Variants in FAT1 observed in about 807,000 individuals in gnomAD.
The protein encoded by FAT1 is protocadherin Fat 1.
In FAT1, 171 loss-of-function variants were observed where a neutral mutation model predicts 329.8. The ratio of observed to expected loss-of-function variants is 0.52; its 90% confidence interval spans 0.46 to 0.59. The LOEUF is 0.59. Ranked by LOEUF, FAT1 falls within the 20% of genes least tolerant of loss-of-function variation. The pLI is 0.00. For missense variants in FAT1, 5,672 were observed against 5,774.4 expected (o/e 0.98, Z 0.57); for synonymous variants, 2,233 against 2,228.6 (o/e 1.00, Z -0.06).
intron 2 of FAT1, among the ~76,000 whole-genome samples, chr4:186,665,477 G>A (rs1335976221): frequency 6.6e-6 from 1 of 152,136 alleles, no homozygotes. Flanking sequence ...GTGTCTGTTG[G>A]CTGCATAAAT....
intron 2 of FAT1, among the ~76,000 whole-genome samples, chr4:186,701,003 G>A (rs549255767): frequency 1.3e-5 from 2 of 152,300 alleles, no homozygotes; most frequent in Non-Finnish European, 2.9e-5. Context: ...CACGGTAAGC[G>A]TCACTGCGTG....
chr4:186,618,573 G>GA lies in FAT1; in HGVS notation c.8012dup (p.Phe2672LeufsTer3). 1 of 1,614,020 alleles carries GA rather than the reference G, an allele frequency of 6.2e-7. No homozygotes were observed. Among genetic ancestry groups the GA allele is most frequent in the Non-Finnish European group, 8.5e-7 (1 of 1,179,894 alleles). ...ACCCATTATCCACAGCTCTAACAAA[G>GA]AAAGTGAAGAATTCATTTTCCAAGC... On this transcript the variant is annotated frameshift_variant, in exon 10 of 27. Transcript: ENST00000441802. LOFTEE classifies it high-confidence loss of function.
At chr4:186,602,808 T>G (rs1444794421) in intron 20 of FAT1, 95 bp downstream of exon 20, 3 of 1,298,492 alleles carry the variant, frequency 2.3e-6, no homozygotes, top group Non-Finnish European at 2.1e-6. Flanking sequence ...AAACATACTT[T>G]GCAATATTTT....
Position 186,611,655 on chromosome 4 carries a change from T to A in FAT1, c.9584A>T (p.Tyr3195Phe), listed in dbSNP as rs1249525274. Reference sequence around the variant, plus strand: ...ATCCACAGCTTTCAAAGAGAGGGTGTATACTGCCTGGAGTTCTCTGTCCAA... The same window carrying A: ...ATCCACAGCTTTCAAAGAGAGGGTGAATACTGCCTGGAGTTCTCTGTCCAA... ...KPLDRELQAVYTLSLKAVDQG... is the reference protein window; with the variant it reads ...KPLDRELQAVFTLSLKAVDQG... Residue 3195 changes from tyrosine (Y) to phenylalanine (F), a missense_variant, in exon 14 of 27, where the codon TAC becomes TTC. Coordinates refer to ENST00000441802, the MANE Select transcript of FAT1 (RefSeq NM_005245.4). 5.0e-6 allele frequency: 8 copies of A among 1,612,996 alleles called. No homozygotes were observed. The highest frequency in any genetic ancestry group is 5.9e-6 in the Non-Finnish European group (7 of 1,179,438).
At chr4:186,617,624 T>C (rs1051647947) in intron 10 of FAT1, 84 bp downstream of exon 10, 42 of 1,145,998 alleles carry the variant, frequency 3.7e-5, no homozygotes, top group Non-Finnish European at 4.2e-5. Flanking sequence ...AAATCCCCAA[T>C]TTCCATACAA....
At chr4:186,598,219 T>A in intron 22 of FAT1, 94 bp from the exon 23 acceptor site, 1 of 1,231,966 alleles carries the variant, frequency 8.1e-7, no homozygotes, top group Non-Finnish European at 1.1e-6. Flanking sequence ...TTCTCCGAGG[T>A]CTGTAAAAGC....
Position 186,596,899 on chromosome 4 carries a change from G to C in FAT1, c.12641C>G (p.Ala4214Gly), listed in dbSNP as rs559086104. The C allele has an allele frequency of 1.9e-6, 3 of 1,614,012 alleles. No individual in the cohort carries two copies. The African/African-American group carries it at 4.0e-5, about 22-fold the overall frequency. ...TCCCAGGTGCTTGTCTTTAGGTTCA[G>C]CCTGATGCTTCTTTTTCCGACTAAT... ...KMISRKKKHQ[A>G]EPKDKHLGPA... The change falls in exon 25 of 27, where the codon GCT becomes GGT. Residue 4214 changes from alanine to glycine, a missense_variant. By Grantham distance (60) the Ala-to-Gly change is moderately conservative. Coordinates refer to ENST00000441802, the MANE Select transcript of FAT1 (RefSeq NM_005245.4). The surrounding 1 kb of genome is among the most constrained non-coding windows in gnomAD (Gnocchi z 4.7).
intron 20 of FAT1, chr4:186,601,673 T>A: frequency 2.9e-6 from 1 of 340,620 alleles, no homozygotes; most frequent in Middle Eastern, 8.0e-4. Flanking sequence ...AATGAAAGAT[T>A]AAATATAAAA....
At position 186,619,094 on chromosome 4, in the gene FAT1, C is replaced by T. The variant is rs772373219; in HGVS notation, c.7492G>A (p.Glu2498Lys). The T allele has an allele frequency of 1.2e-6, 2 of 1,614,008 alleles. No homozygotes were observed. Among genetic ancestry groups the T allele is most frequent in the African/African-American group, 1.3e-5 (1 of 75,054 alleles). The stretch of plus-strand genomic sequence containing the variant: ...GGAGCGTTTTCAGCTAGTTCCACTT[C>T]ATATTCGTTCTGAAGGAAAGCAGGA... The part of the protein sequence containing the change: ...HSPAFLQNEY[E>K]VELAENAPLH... Residue 2498 changes from glutamate (E) to lysine (K), a missense_variant, in exon 10 of 27, where the codon GAA becomes AAA. Physicochemically the swap from Glu to Lys is moderately conservative, Grantham distance 56. This residue lies in a region of FAT1 where 3,966 missense variants were observed against 3,915.2 expected (regional missense o/e 1.01). Coordinates refer to ENST00000441802, the MANE Select transcript of FAT1 (RefSeq NM_005245.4).
chr4:186,708,419 G>A lies in FAT1; in HGVS notation c.1409C>T (p.Ala470Val), dbSNP rs1744760071. Reference sequence around the variant, plus strand: ...AATGGGCACGTTCTCATCAAAAGCAGCTTTGTACGCTGTCTGGGTAAATTC... The same window carrying A: ...AATGGGCACGTTCTCATCAAAAGCAACTTTGTACGCTGTCTGGGTAAATTC... ...PPEFTQTAYK[A>V]AFDENVPIGT... The change falls in exon 2 of 27, where the codon GCT becomes GTT. Residue 470 changes from alanine (A) to valine (V), a missense_variant. Around this residue, in one of 2 missense-constraint regions of FAT1, gnomAD observed 3,966 missense variants for 3,915.2 expected, o/e 1.01. Transcript: ENST00000441802. The A allele has an allele frequency of 6.2e-7, 1 of 1,614,002 alleles. No individual in the cohort carries two copies. The highest frequency in any genetic ancestry group is 1.3e-5 in the African/African-American group (1 of 75,054).
In FAT1 at chr4:186,613,295, A is replaced by T. The variant is rs1200407854; in HGVS notation, c.9277T>A (p.Tyr3093Asn). The T allele has an allele frequency of 6.2e-7, 1 of 1,614,036 alleles. No homozygotes were observed. The highest frequency in any genetic ancestry group is 1.7e-5 in the Admixed American group (1 of 60,030). Reference protein sequence around the residue: ...TPLDREEQAVYHLLVRATDGG... With the variant: ...TPLDREEQAVNHLLVRATDGG... ...TCTGTGGCCCTGACGAGAAGATGATAAACAGCTTGCTCCTCACGATCAAGG... is the reference window on the plus strand; with the variant it reads ...TCTGTGGCCCTGACGAGAAGATGATTAACAGCTTGCTCCTCACGATCAAGG... The change falls in exon 13 of 27, where the codon TAT becomes AAT. Residue 3093 changes from tyrosine (Y) to asparagine (N), a missense_variant. Physicochemically the swap from Tyr to Asn is moderately radical, Grantham distance 143. Transcript: ENST00000441802.
In FAT1 at chr4:186,620,397, G is replaced by T. The variant is rs377239008; in HGVS notation, c.6189C>A (p.Ala2063=). The change falls in exon 10 of 27, where the codon GCC becomes GCA. Residue 2063 remains alanine, a synonymous_variant. Coordinates refer to ENST00000441802, the MANE Select transcript of FAT1 (RefSeq NM_005245.4). The part of the protein sequence containing the change: ...VTEEHKPSAV[A]HVVVKVIVED... ...CTACAATGACCTTCACGACAACGTGGGCCACTGCAGAAGGCTTATGTTCCT... is the reference window on the plus strand; with the variant it reads ...CTACAATGACCTTCACGACAACGTGTGCCACTGCAGAAGGCTTATGTTCCT... 1.7e-5 allele frequency: 27 copies of T among 1,613,866 alleles called. No individual in the cohort carries two copies. In the African/African-American group the frequency reaches 3.5e-4, roughly 21 times the overall value.
intron 13 of FAT1, 67 bp downstream of exon 13, chr4:186,613,042 T>C: frequency 1.9e-6 from 2 of 1,049,080 alleles, no homozygotes; most frequent in Middle Eastern, 2.5e-4. Flanking sequence ...ATCTGGGGTG[T>C]GTTTTGAAAC....
intron 2 of FAT1, among the ~76,000 whole-genome samples, chr4:186,669,423 T>TA (rs1486986791): frequency 6.6e-6 from 1 of 152,228 alleles, no homozygotes; most frequent in African/African-American, 2.4e-5. Flanking sequence ...ACACGCTTGT[T>TA]ACGTGTGCCA....
In FAT1 at chr4:186,606,199, C is replaced by CGT; in HGVS notation, c.10219_10220dup (p.Leu3408ArgfsTer20). The CGT allele has an allele frequency of 6.2e-7, 1 of 1,612,284 alleles. No individual in the cohort carries two copies. Among genetic ancestry groups the CGT allele is most frequent in the East Asian group, 2.2e-5 (1 of 44,790 alleles). On this transcript the variant is annotated frameshift_variant, in exon 17 of 27. Coordinates refer to ENST00000441802, the MANE Select transcript of FAT1 (RefSeq NM_005245.4). LOFTEE classifies it high-confidence loss of function. ...CATTATCAGAAGCTTGAACCGTGAG[C>CGT]GTGTAACCTGAAATCTTTTCAGGCA...
At chr4:186,641,781 C>T (rs955248421) in intron 3 of FAT1, among the ~76,000 whole-genome samples, 22 of 151,972 alleles carry the variant, frequency 1.4e-4, no homozygotes, top group Admixed American at 2.6e-4. Flanking sequence ...CTGAGGCAGG[C>T]GGATCACCTG....
intron 2 of FAT1, among the ~76,000 whole-genome samples, chr4:186,690,091 T>C (rs1743683476): frequency 6.6e-6 from 1 of 152,200 alleles, no homozygotes; most frequent in Admixed American, 6.5e-5. Context: ...GTTACTGCAT[T>C]GCGTTACAGA....
intron 7 of FAT1, among the ~76,000 whole-genome samples, chr4:186,631,148 T>C (rs1000011053): frequency 5.3e-5 from 8 of 152,174 alleles, no homozygotes; most frequent in African/African-American, 1.4e-4. Flanking sequence ...GGATACACAA[T>C]GGCTGCTCTG....
intron 12 of FAT1, 58 bp downstream of exon 12, chr4:186,614,133 C>T: frequency 7.1e-7 from 1 of 1,402,638 alleles, no homozygotes; most frequent in Non-Finnish European, 9.6e-7. Flanking sequence ...CTAAAATCAC[C>T]CACATATATG....
Sources: allele counts gnomAD v4.1 joint callset (sites outside exome capture counted in the v4.1 genomes callset), GRCh38; gene constraint gnomAD v4.1.1; regional missense constraint gnomAD v4.1.1; non-coding constraint Gnocchi (gnomAD v3.1); transcripts MANE v1.5; gene names NCBI Gene and HGNC (gene_info 2026-07-23, HGNC 2026-07-21).